Variants in PTPRM observed in about 807,000 individuals in gnomAD.
PTPRM encodes the protein protein tyrosine phosphatase receptor type M.
PTPRM carries 47 observed loss-of-function variants against 186.7 expected under a neutral mutation model. That is an observed-to-expected ratio of 0.25 (90% confidence interval 0.20 to 0.32). PTPRM has a LOEUF of 0.32. Among genes scored for constraint, PTPRM ranks in the 10% least tolerant of loss-of-function variants. The pLI is 1.00. For missense variants in PTPRM, 1,494 were observed against 1,865.0 expected (o/e 0.80, Z 3.66); for synonymous variants, 668 against 674.9 (o/e 0.99, Z 0.16).
chr18:7,965,639 C>G (rs1173595823), intron 7 of PTPRM, among the ~76,000 whole-genome samples: 2 of 152,092 alleles, frequency 1.3e-5, no homozygotes, highest in East Asian at 3.9e-4. Flanking sequence ...CAGTCTTAGC[C>G]TTTGTCTTCT....
intron 3 of PTPRM, among the ~76,000 whole-genome samples, chr18:7,900,839 A>G (rs1230337374): frequency 1.3e-5 from 2 of 152,364 alleles, no homozygotes; most frequent in East Asian, 3.9e-4. Context: ...GTATACAAAT[A>G]AATAGTTTTT....
intron 20 of PTPRM, among the ~76,000 whole-genome samples, chr18:8,302,413 G>A (rs2095169003): frequency 6.6e-6 from 1 of 152,242 alleles, no homozygotes; most frequent in South Asian, 2.1e-4. Flanking sequence ...GGAGGTGGAA[G>A]CCAGACCTAC....
chr18:8,235,396 G>A (rs962327059), intron 14 of PTPRM, among the ~76,000 whole-genome samples: 2 of 148,550 alleles, frequency 1.3e-5, no homozygotes, highest in African/African-American at 5.0e-5. Flanking sequence ...TCCTTTTAAT[G>A]TCCATGGGAT....
chr18:7,724,411 C>T (rs960010438), intron 1 of PTPRM, among the ~76,000 whole-genome samples: 6 of 152,084 alleles, frequency 3.9e-5, no homozygotes, highest in African/African-American at 1.4e-4. Flanking sequence ...CTGATTTAAC[C>T]TAGACCAAAC....
At chr18:8,367,441 T>G (rs2095637858) in intron 23 of PTPRM, among the ~76,000 whole-genome samples, 3 of 152,258 alleles carry the variant, frequency 2.0e-5, no homozygotes, top group Admixed American at 2.0e-4. Flanking sequence ...GTCAGCACCG[T>G]GCCGAGCAGT....
At chr18:7,610,454 T>G (rs2037645119) in intron 1 of PTPRM, among the ~76,000 whole-genome samples, 1 of 152,214 alleles carries the variant, frequency 6.6e-6, no homozygotes, top group Non-Finnish European at 1.5e-5. Context: ...TTTGGGTCCT[T>G]GAAAATTATT....
At chr18:8,206,653 TA>T (rs570665478) in intron 14 of PTPRM, among the ~76,000 whole-genome samples, 1 of 152,178 alleles carries the variant, frequency 6.6e-6, no homozygotes, top group Non-Finnish European at 1.5e-5. Flanking sequence ...CATCAGTTTA[TA>T]AAAGAGGAGA....
intron 1 of PTPRM, among the ~76,000 whole-genome samples, chr18:7,574,275 T>A (rs566866914): frequency 3.9e-5 from 6 of 152,192 alleles, no homozygotes; most frequent in Non-Finnish European, 7.3e-5. Flanking sequence ...GTTGTAAAAC[T>A]CAAATGAATA....
chr18:8,367,621 G>A (rs895289628), intron 23 of PTPRM, among the ~76,000 whole-genome samples: 5 of 152,270 alleles, frequency 3.3e-5, no homozygotes, highest in African/African-American at 1.2e-4. Context: ...GAGCCTGAGA[G>A]CCTGGAACTG....
chr18:8,387,732 T>C (rs1458749647), intron 31 of PTPRM, among the ~76,000 whole-genome samples: 2 of 74,092 alleles, frequency 2.7e-5, no homozygotes, highest in Admixed American at 3.3e-4. Flanking sequence ...TCAAAGGACC[T>C]GGAGTGTGTG....
chr18:7,876,506 A>G (rs2048252837), intron 2 of PTPRM, among the ~76,000 whole-genome samples: 1 of 152,176 alleles, frequency 6.6e-6, no homozygotes. Context: ...GGCTCAGCTG[A>G]ATGGTTCAGC....
At chr18:7,801,629 A>G (rs1419137470) in intron 2 of PTPRM, among the ~76,000 whole-genome samples, 1 of 152,218 alleles carries the variant, frequency 6.6e-6, no homozygotes, top group Non-Finnish European at 1.5e-5. Context: ...TTTATCAAGT[A>G]TTATGTACTG....
At chr18:8,139,934 A>G (rs1268642111) in intron 13 of PTPRM, among the ~76,000 whole-genome samples, 1 of 152,152 alleles carries the variant, frequency 6.6e-6, no homozygotes, top group Non-Finnish European at 1.5e-5. Context: ...TCTGCTCACC[A>G]CTGTATTCCT....
chr18:7,890,170 G>A (rs2048998338), intron 3 of PTPRM, among the ~76,000 whole-genome samples: 1 of 152,148 alleles, frequency 6.6e-6, no homozygotes, highest in Non-Finnish European at 1.5e-5. Context: ...GGAATAAAGA[G>A]GATTGCAATA....
intron 1 of PTPRM, among the ~76,000 whole-genome samples, chr18:7,595,576 T>C (rs2037235703): frequency 6.6e-6 from 1 of 152,148 alleles, no homozygotes; most frequent in African/African-American, 2.4e-5. Context: ...CTTAGCATTG[T>C]AAGGGAGGCC....
intron 2 of PTPRM, among the ~76,000 whole-genome samples, chr18:7,792,165 C>T (rs1168140522): frequency 2.0e-5 from 3 of 152,150 alleles, no homozygotes; most frequent in Admixed American, 1.3e-4. Flanking sequence ...TCTGAAGGAG[C>T]TTCTTAATAA....
chr18:7,814,352 A>T (rs1168779502), intron 2 of PTPRM: 1 of 152,246 alleles, frequency 6.6e-6, no homozygotes, highest in Non-Finnish European at 1.5e-5. Context: ...ATTATGGCTT[A>T]GGGCTCAGGG....
At chr18:8,201,684 C>T (rs865811900) in intron 14 of PTPRM, among the ~76,000 whole-genome samples, 2 of 152,128 alleles carry the variant, frequency 1.3e-5, no homozygotes, top group Non-Finnish European at 2.9e-5. Flanking sequence ...TGTGCCCTCT[C>T]GTAGAAGAGA....
chr18:7,731,152 T>C (rs1357772162), intron 1 of PTPRM, among the ~76,000 whole-genome samples: 1 of 152,214 alleles, frequency 6.6e-6, no homozygotes, highest in Non-Finnish European at 1.5e-5. Context: ...GAACAGCACT[T>C]CTTCATCAAG....
Sources: allele counts gnomAD v4.1 joint callset (sites outside exome capture counted in the v4.1 genomes callset), GRCh38; gene constraint gnomAD v4.1.1; transcripts MANE v1.5; gene names NCBI Gene and HGNC (gene_info 2026-07-23, HGNC 2026-07-21).